PDSS2: variants seen among roughly 807,000 people sequenced by gnomAD.
PDSS2 encodes the protein all trans-polyprenyl-diphosphate synthase PDSS2.
PDSS2 carries 31 observed loss-of-function variants against 44.5 expected under a neutral mutation model. The ratio of observed to expected loss-of-function variants is 0.70; its 90% CI spans 0.52 to 0.94. The LOEUF (loss-of-function observed/expected upper bound fraction) is 0.94. Ranked by LOEUF, PDSS2 falls within the 40% of genes least tolerant of loss-of-function variation. The probability of loss-of-function intolerance (pLI) is 0.00; values close to 1 mark genes in which losing one functional copy is unlikely to be tolerated. For missense variants in PDSS2, 452 were observed against 482.2 expected (o/e 0.94, Z 0.59); for synonymous variants, 157 against 180.3 (o/e 0.87, Z 1.03).
intron 7 of PDSS2, among the ~76,000 whole-genome samples, chr6:107,159,709 C>T (rs973112325): frequency 9.9e-5 from 15 of 151,870 alleles, no homozygotes; most frequent in African/African-American, 1.7e-4. Context: ...TGAGCCACTG[C>T]GCTGGGCCAA....
intron 2 of PDSS2, among the ~76,000 whole-genome samples, chr6:107,287,092 C>G (rs1396845483): frequency 1.3e-5 from 2 of 152,064 alleles, no homozygotes; most frequent in African/African-American, 4.8e-5. Context: ...AATGAAATAA[C>G]ATTTTTAGTT....
At chr6:107,329,324 T>C (rs954023173) in intron 2 of PDSS2, among the ~76,000 whole-genome samples, 2 of 152,172 alleles carry the variant, frequency 1.3e-5, no homozygotes, top group Admixed American at 1.3e-4. Flanking sequence ...CCAAGTCCAC[T>C]CTGCTGCCTC....
rs1782180987 is a variant in PDSS2 at position 107,459,536 on chromosome 6, C to T, written c.-251G>A. On this transcript the variant is annotated 5_prime_UTR_variant, in exon 1 of 8. It removes the in-frame stop codon of an upstream open reading frame in the 5' UTR. Transcript: ENST00000369037. This position sits in a 1 kb window ranked among gnomAD's most constrained non-coding sequence, Gnocchi z 4.3. ...CCGGGGTAGAAACCACAGCCACTGC[C>T]TATGTGGAGGACGCCATATTGGAGG... 3 of 550,508 alleles carry T rather than the reference C, an allele frequency of 5.4e-6. No individual in the cohort carries two copies. Among genetic ancestry groups the T allele is most frequent in the Admixed American group, 3.3e-5 (1 of 30,070 alleles). The allele number at this position is 550,508 out of a possible 1,614,324, so 34.1% of individuals were successfully genotyped here.
intron 1 of PDSS2, among the ~76,000 whole-genome samples, chr6:107,344,907 T>G (rs767007608): frequency 3.9e-5 from 6 of 152,154 alleles, no homozygotes; most frequent in Non-Finnish European, 5.9e-5. Flanking sequence ...TTAAAAATAC[T>G]AATGGAAAAT....
At chr6:107,268,962 G>A (rs990242335) in intron 3 of PDSS2, among the ~76,000 whole-genome samples, 10 of 147,958 alleles carry the variant, frequency 6.8e-5, no homozygotes, top group Admixed American at 2.0e-4. Flanking sequence ...TTTTCCATAC[G>A]GAGTTTCGCT....
At chr6:107,305,315 T>C (rs896732323) in intron 2 of PDSS2, among the ~76,000 whole-genome samples, 1 of 152,118 alleles carries the variant, frequency 6.6e-6, no homozygotes, top group African/African-American at 2.4e-5. Flanking sequence ...CAGCACTTGG[T>C]CATTTTCCAC....
intron 1 of PDSS2, among the ~76,000 whole-genome samples, chr6:107,374,540 T>C (rs1044872273): frequency 3.9e-5 from 6 of 152,290 alleles, no homozygotes; most frequent in African/African-American, 1.4e-4. Flanking sequence ...GCTTAACACT[T>C]AGAGTGGTTA....
intron 7 of PDSS2, among the ~76,000 whole-genome samples, chr6:107,166,346 C>T (rs369914391): frequency 2.0e-5 from 3 of 148,016 alleles, no homozygotes; most frequent in African/African-American, 5.0e-5. Context: ...CCCATCAATA[C>T]CTAATTTATT....
rs1780822769 is a variant in PDSS2, at chr6:107,421,541, A to G, written c.296+37449T>C. 2.6e-5 allele frequency among the ~76,000 whole-genome samples: 4 copies of G among 152,260 alleles called. No homozygotes were observed. The South Asian group carries it at 8.3e-4, about 32-fold the overall frequency. ...CTACTGGCATACACAACTTAGGTGG[A>G]TCACAAGGACATTACGCTGAGTGAA... On this transcript the variant is annotated intron_variant, in intron 1 of 7. Coordinates refer to ENST00000369037, the MANE Select transcript of PDSS2 (RefSeq NM_020381.4).
At chr6:107,201,525 C>T (rs1772777074) in intron 6 of PDSS2, among the ~76,000 whole-genome samples, 1 of 151,146 alleles carries the variant, frequency 6.6e-6, no homozygotes, top group Admixed American at 6.6e-5. Context: ...AATGGATGTA[C>T]AATGTGGTCT....
intron 2 of PDSS2, among the ~76,000 whole-genome samples, chr6:107,306,272 G>C (rs1343389303): frequency 2.0e-5 from 3 of 152,136 alleles, no homozygotes; most frequent in Non-Finnish European, 4.4e-5. Flanking sequence ...TGAATCATGG[G>C]GGCAGGTCTT....
At chr6:107,410,322 C>T (rs185818666) in intron 1 of PDSS2, among the ~76,000 whole-genome samples, 22 of 152,256 alleles carry the variant, frequency 1.4e-4, no homozygotes, top group African/African-American at 3.4e-4. Context: ...TTTTCTCCAC[C>T]CCACTGGTAA....
At chr6:107,420,872 T>C (rs1328953669) in intron 1 of PDSS2, among the ~76,000 whole-genome samples, 1 of 151,710 alleles carries the variant, frequency 6.6e-6, no homozygotes, top group Non-Finnish European at 1.5e-5. Flanking sequence ...TTAAAACTTT[T>C]ACTCTGCAAA....
In PDSS2 at chr6:107,334,264, G is replaced by A; in HGVS notation, c.365C>T (p.Ala122Val). 1 of 1,613,084 alleles carries A rather than the reference G, an allele frequency of 6.2e-7. No individual in the cohort carries two copies. Among genetic ancestry groups the A allele is most frequent in the South Asian group, 1.1e-5 (1 of 91,064 alleles). ...RGLVVLLISK[A>V]AGPSSVNTSC... ...AGTGTTCACGCTGCTGGGCCCAGCT[G>A]CTTTAGAGATAAGGAGCACCACCAA... Residue 122 changes from alanine (A) to valine (V), a missense_variant, in exon 2 of 8, where the codon GCA (alanine) becomes GTA (valine). Coordinates refer to ENST00000369037, the MANE Select transcript of PDSS2 (RefSeq NM_020381.4).
intron 2 of PDSS2, among the ~76,000 whole-genome samples, chr6:107,279,057 T>C (rs1257346470): frequency 6.6e-6 from 1 of 152,002 alleles, no homozygotes; most frequent in Non-Finnish European, 1.5e-5. Flanking sequence ...CCATCTCTAC[T>C]AAAAATACAA....
chr6:107,337,529 G>C (rs1777943343), intron 1 of PDSS2, among the ~76,000 whole-genome samples: 1 of 152,118 alleles, frequency 6.6e-6, no homozygotes, highest in Non-Finnish European at 1.5e-5. Context: ...ATAAAATGAG[G>C]GTAACAATGT....
chr6:107,275,285 C>A (rs1775740963), intron 2 of PDSS2, among the ~76,000 whole-genome samples: 1 of 152,074 alleles, frequency 6.6e-6, no homozygotes, highest in Non-Finnish European at 1.5e-5. Flanking sequence ...AACATTATCA[C>A]AACTTCATGA....
chr6:107,240,623 C>A (rs999769304), intron 4 of PDSS2, among the ~76,000 whole-genome samples: 5 of 151,814 alleles, frequency 3.3e-5, no homozygotes, highest in Admixed American at 6.6e-5. Context: ...GTCTCAAACT[C>A]CTGACCTCAG....
At chr6:107,238,885 T>C (rs1774321498) in intron 4 of PDSS2, among the ~76,000 whole-genome samples, 1 of 152,132 alleles carries the variant, frequency 6.6e-6, no homozygotes. Flanking sequence ...GATTTAAGAA[T>C]CTCACTTTCA....
Sources: allele counts gnomAD v4.1 joint callset (sites outside exome capture counted in the v4.1 genomes callset), GRCh38; gene constraint gnomAD v4.1.1; non-coding constraint Gnocchi (gnomAD v3.1); transcripts MANE v1.5; gene names NCBI Gene and HGNC (gene_info 2026-07-23, HGNC 2026-07-21).